Variants in NDUFA9 observed in about 807,000 individuals in gnomAD.
NDUFA9 encodes the protein NADH dehydrogenase [ubiquinone] 1 alpha subcomplex subunit 9, mitochondrial.
Under a neutral mutation model 45.9 loss-of-function variants are expected in NDUFA9, and 23 were observed. The observed-to-expected ratio is 0.50, with a 90% CI of 0.36 to 0.71. The LOEUF (loss-of-function observed/expected upper bound fraction) is 0.71, where lower values mean the gene tolerates loss of function less well. NDUFA9 is among the 30% of genes least tolerant of loss of function. The probability of loss-of-function intolerance (pLI) is 0.00; values close to 1 mark genes in which losing one functional copy is unlikely to be tolerated. For synonymous variants in NDUFA9, 176 were observed against 170.5 expected (o/e 1.03, Z -0.25); for missense variants, 466 against 488.2 (o/e 0.95, Z 0.43).
Position 4,654,826 on chromosome 12 carries a change from A to T in NDUFA9, c.222A>T (p.Gly74=). 6.2e-7 allele frequency: 1 copy of T among 1,608,852 alleles called. No individual in the cohort carries two copies. Among genetic ancestry groups the T allele is most frequent in the Non-Finnish European group, 8.5e-7 (1 of 1,177,428 alleles). Residue 74 remains glycine (G), a splice_region_variant and synonymous_variant, in exon 3 of 11, where the codon GGA becomes GGT. Transcript: ENST00000266544. The part of the protein sequence containing the change: ...FLGRYVVNHL[G]RMGSQVIIPY... ...TTTTTTCAATCCATTCTCTTTTAGG[A>T]CGCATGGGGTCACAGGTAATCATAC... is the stretch of plus-strand genomic sequence containing the variant.
chr12:4,676,225 C>T (rs542877998), intron 8 of NDUFA9, among the ~76,000 whole-genome samples: 9 of 152,228 alleles, frequency 5.9e-5, no homozygotes, highest in East Asian at 3.9e-4. Flanking sequence ...CTTTGAAAAT[C>T]GGCACAAGAC....
intron 7 of NDUFA9, among the ~76,000 whole-genome samples, chr12:4,669,084 C>G (rs1945870637): frequency 6.6e-6 from 1 of 152,138 alleles, no homozygotes; most frequent in Admixed American, 6.5e-5. Flanking sequence ...TAGATTGAAC[C>G]AAGTTTTCTC....
intron 1 of NDUFA9, chr12:4,653,558 A>G: frequency 2.3e-6 from 1 of 436,334 alleles, no homozygotes; most frequent in South Asian, 1.7e-5. Flanking sequence ...AGTCAATGAA[A>G]AAGAAATGGT....
At chr12:4,676,204 G>A (rs1037376253) in intron 8 of NDUFA9, among the ~76,000 whole-genome samples, 1 of 152,152 alleles carries the variant, frequency 6.6e-6, no homozygotes, top group African/African-American at 2.4e-5. Flanking sequence ...GGCGAAAACT[G>A]GAAGCATTCC....
chr12:4,677,183 A>G (rs1945925019), intron 8 of NDUFA9, among the ~76,000 whole-genome samples: 2 of 152,234 alleles, frequency 1.3e-5, no homozygotes, highest in Admixed American at 6.5e-5. Context: ...CGTAAGACCT[A>G]AAACCATAAA....
In NDUFA9 at chr12:4,667,580, C is replaced by T. The variant is rs540498262; in HGVS notation, c.656-877C>T. 286 of 209,412 alleles carry T rather than the reference C, an allele frequency of 1.4e-3. 4 individuals carry two copies. Among genetic ancestry groups the T allele is most frequent in the East Asian group, 4.3e-3 (24 of 5,562 alleles). 13.0% of individuals were successfully genotyped at this position (209,412 alleles called of 1,614,324 possible). A position where few individuals can be genotyped will look rare whatever the true frequency, so the allele number is the denominator to read the frequency against. ...AGGCTGGAGTGCGGTGGCGTGATCT[C>T]GGCTCACTGCAACCTCTGCCTCCCA... On this transcript the variant is annotated intron_variant, in intron 6 of 10. Coordinates refer to ENST00000266544, the MANE Select transcript of NDUFA9 (RefSeq NM_005002.5).
chr12:4,672,873 G>T (rs1044974915), intron 8 of NDUFA9, among the ~76,000 whole-genome samples: 1 of 152,216 alleles, frequency 6.6e-6, no homozygotes, highest in African/African-American at 2.4e-5. Flanking sequence ...CACAGCATTT[G>T]AGCTCTGATA....
chr12:4,680,710 T>G (rs1945947428), intron 8 of NDUFA9, among the ~76,000 whole-genome samples: 1 of 152,222 alleles, frequency 6.6e-6, no homozygotes, highest in South Asian at 2.1e-4. Context: ...AAGGCCTTTG[T>G]CTGATATTTC....
intron 1 of NDUFA9, among the ~76,000 whole-genome samples, chr12:4,650,218 G>A (rs543481177): frequency 6.6e-6 from 1 of 152,080 alleles, no homozygotes; most frequent in Non-Finnish European, 1.5e-5. Context: ...CCTGAGGCAA[G>A]AATTAGGAGT....
At chr12:4,668,795 A>C (rs1032788341) in intron 7 of NDUFA9, 2 of 406,736 alleles carry the variant, frequency 4.9e-6, no homozygotes, top group Non-Finnish European at 9.0e-6. Context: ...CTAGATAGAC[A>C]CAAATTGCTG....
Position 4,693,501 on chromosome 12 carries a change from C to T in NDUFA9, c.*6393C>T, listed in dbSNP as rs1591553584. 6.6e-6 allele frequency: 1 copy of T among 152,306 alleles called. No homozygotes were observed. Among genetic ancestry groups the T allele is most frequent in the East Asian group, 1.9e-4 (1 of 5,180 alleles). 9.4% of individuals were successfully genotyped at this position (152,306 alleles called of 1,614,324 possible). On this transcript the variant is annotated 3_prime_UTR_variant, in exon 11 of 11. Coordinates refer to ENST00000266544, the MANE Select transcript of NDUFA9 (RefSeq NM_005002.5). ...TTACCAGCAGTGGTTATCCTCTCTC[C>T]AAGACTGGGCCAGGGGTGAGAAGGG...
Position 4,654,389 on chromosome 12 carries a change from C to T in NDUFA9, c.147C>T (p.Ser49=), listed in dbSNP as rs1173035650. The change falls in exon 2 of 11, where the codon TCC becomes TCT. Residue 49 remains serine, a synonymous_variant. Transcript: ENST00000266544. ...ALMPHGKGGR[S]SVSGIVATVF... ...TGCCTCATGGGAAAGGTGGACGTTC[C>T]TCAGTCAGTGGGATTGTGGCCACTG... The T allele has an allele frequency of 6.8e-6, 11 of 1,614,020 alleles. No individual in the cohort carries two copies. The East Asian group carries it at 2.5e-4, about 36-fold the overall frequency.
intron 5 of NDUFA9, 100 bp downstream of exon 5, chr12:4,659,277 T>A: frequency 9.4e-7 from 1 of 1,064,172 alleles, no homozygotes; most frequent in Non-Finnish European, 1.3e-6. Context: ...CAGACATATG[T>A]AGAATTAAAA....
At position 4,688,529 on chromosome 12, in the gene NDUFA9, C is replaced by T. The variant is rs1481391012; in HGVS notation, c.*1421C>T. 6.7e-6 allele frequency: 1 copy of T among 149,532 alleles called. No homozygotes were observed. Among genetic ancestry groups the T allele is most frequent in the Non-Finnish European group, 1.5e-5 (1 of 67,728 alleles). The allele number at this position is 149,532 out of a possible 1,614,324, so 9.3% of individuals were successfully genotyped here. On this transcript the variant is annotated 3_prime_UTR_variant, in exon 11 of 11. Coordinates refer to ENST00000266544, the MANE Select transcript of NDUFA9 (RefSeq NM_005002.5). ...ATCCTAGGTTTTGTCCTGTCCCAGG[C>T]GTGTTGAATCAGAATCTGCATTTTA...
intron 6 of NDUFA9, among the ~76,000 whole-genome samples, chr12:4,664,126 GT>G (rs1285742806): frequency 1.3e-5 from 2 of 152,216 alleles, no homozygotes; most frequent in Non-Finnish European, 2.9e-5. Context: ...AGAAGGACTT[GT>G]TAAGCAAAAA....
chr12:4,669,271 C>G lies in NDUFA9; in HGVS notation c.724-470C>G, dbSNP rs537837270. Reference sequence around the variant, plus strand: ...AAATGTCCCCTGGGGGCCAAAATCACTATTACTATTACTGTTTTTGAAAAT... The same window carrying G: ...AAATGTCCCCTGGGGGCCAAAATCAGTATTACTATTACTGTTTTTGAAAAT... On this transcript the variant is annotated intron_variant, in intron 7 of 10. Coordinates refer to ENST00000266544, the MANE Select transcript of NDUFA9 (RefSeq NM_005002.5). 4.6e-5 allele frequency among the ~76,000 whole-genome samples: 7 copies of G among 152,324 alleles called. No homozygotes were observed. The South Asian group carries it at 6.2e-4, about 14-fold the overall frequency.
intron 9 of NDUFA9, chr12:4,684,990 T>C (rs1945976301): frequency 5.0e-6 from 3 of 601,678 alleles, no homozygotes; most frequent in Non-Finnish European, 5.9e-6. Flanking sequence ...TGTTTGTTGG[T>C]TTTATTTCAT....
intron 9 of NDUFA9, 34 bp from the exon 10 acceptor site, chr12:4,685,225 T>A (rs755161036): frequency 6.4e-7 from 1 of 1,566,744 alleles, no homozygotes; most frequent in Admixed American, 1.7e-5. Context: ...AGAGAGATGC[T>A]TATCACATGT....
In NDUFA9 at chr12:4,654,427, C is replaced by T. The variant is rs531865660; in HGVS notation, c.185C>T (p.Thr62Ile). Reference protein sequence around the residue: ...SGIVATVFGATGFLGRYVVNH... With the variant: ...SGIVATVFGAIGFLGRYVVNH... ...ATTGTGGCCACTGTGTTTGGAGCAA[C>T]AGGATTCCTGGGGCGATATGTTGTC... The change falls in exon 2 of 11, where the codon ACA (threonine) becomes ATA (isoleucine). Residue 62 changes from threonine to isoleucine, a missense_variant. Thr to Ile is a moderately conservative substitution (Grantham distance 89, BLOSUM62 -1). Transcript: ENST00000266544. The T allele has an allele frequency of 2.5e-6, 4 of 1,614,130 alleles. No individual in the cohort carries two copies. The African/African-American group carries it at 5.3e-5, about 22-fold the overall frequency.
Sources: gnomAD v4.1 joint callset for allele counts (sites outside exome capture counted in the v4.1 genomes callset) on GRCh38, gnomAD v4.1.1 for gene constraint, MANE v1.5 for transcripts, NCBI Gene and HGNC (gene_info 2026-07-23, HGNC 2026-07-21) for gene names.